Variants in MVB12B observed in about 807,000 individuals in gnomAD.
MVB12B encodes the protein multivesicular body subunit 12B.
MVB12B carries 16 observed loss-of-function variants against 41.6 expected under a neutral mutation model. That is an observed-to-expected ratio of 0.38 (90% CI 0.26 to 0.58). The LOEUF is 0.58. MVB12B is among the 20% of genes least tolerant of loss of function. The pLI, the probability that MVB12B is intolerant of heterozygous loss-of-function variation, is 0.62. For missense variants in MVB12B, 274 were observed against 380.2 expected (o/e 0.72, Z 2.32); for synonymous variants, 133 against 139.7 (o/e 0.95, Z 0.34).
intron 4 of MVB12B, among the ~76,000 whole-genome samples, chr9:126,390,951 CAA>C (rs1214109113): frequency 3.3e-4 from 25 of 76,562 alleles, no homozygotes; most frequent in East Asian, 1.0e-3. Flanking sequence ...GACTCCATCT[CAA>C]AAAAAAAAAA....
chr9:126,466,753 A>G (rs1833209456), intron 7 of MVB12B, among the ~76,000 whole-genome samples: 2 of 152,186 alleles, frequency 1.3e-5, no homozygotes, highest in South Asian at 2.1e-4. Context: ...GATCATTTCT[A>G]TTACAAATTG....
intron 7 of MVB12B, among the ~76,000 whole-genome samples, chr9:126,475,439 A>G (rs183509086): frequency 2.0e-5 from 3 of 152,352 alleles, no homozygotes; most frequent in East Asian, 1.9e-4. Context: ...TCTTGTGTAC[A>G]TGGATAACAT....
At chr9:126,334,574 C>T (rs1829225193) in intron 1 of MVB12B, among the ~76,000 whole-genome samples, 1 of 152,228 alleles carries the variant, frequency 6.6e-6, no homozygotes, top group South Asian at 2.1e-4. Flanking sequence ...ACTCCTGTCA[C>T]CAAACACTCA....
At chr9:126,454,026 A>T (rs1471444466) in intron 7 of MVB12B, among the ~76,000 whole-genome samples, 2 of 152,246 alleles carry the variant, frequency 1.3e-5, no homozygotes, top group Non-Finnish European at 2.9e-5. Context: ...ACCGGGAGAC[A>T]GGAGAGGCAT....
chr9:126,450,866 G>A (rs1456764908), intron 7 of MVB12B, among the ~76,000 whole-genome samples: 1 of 152,204 alleles, frequency 6.6e-6, no homozygotes, highest in Non-Finnish European at 1.5e-5. Context: ...GTTTTGGGAG[G>A]CAGATCAAGC....
intron 7 of MVB12B, among the ~76,000 whole-genome samples, chr9:126,470,048 A>G (rs185765014): frequency 2.6e-3 from 398 of 152,362 alleles, no homozygotes; most frequent in Non-Finnish European, 4.3e-3. Context: ...CTAGCTGCTC[A>G]GTAACTGTTA....
At chr9:126,469,469 G>C (rs921519378) in intron 7 of MVB12B, among the ~76,000 whole-genome samples, 3 of 152,374 alleles carry the variant, frequency 2.0e-5, no homozygotes, top group Non-Finnish European at 4.4e-5. Context: ...GGCAGAGAAA[G>C]TGCGTCTTCC....
At chr9:126,424,048 G>C (rs1035336351) in intron 7 of MVB12B, among the ~76,000 whole-genome samples, 3 of 152,172 alleles carry the variant, frequency 2.0e-5, no homozygotes, top group African/African-American at 7.2e-5. Flanking sequence ...GCAGACTTCA[G>C]GAGCTGAGCC....
chr9:126,457,458 A>G (rs1435387129), intron 7 of MVB12B, among the ~76,000 whole-genome samples: 4 of 152,202 alleles, frequency 2.6e-5, no homozygotes. Flanking sequence ...GTTCAGTGAC[A>G]TGTTTATGTC....
In MVB12B at chr9:126,473,302, C is replaced by T. The variant is rs1833353235; in HGVS notation, c.758-8067C>T. Reference sequence around the variant, plus strand: ...CCAGCCCCTCCTTCCCTGCCATAGCCCCCCATAGCCCCAGAGCAGGTTACA... The same window carrying T: ...CCAGCCCCTCCTTCCCTGCCATAGCTCCCCATAGCCCCAGAGCAGGTTACA... On this transcript the variant is annotated intron_variant, in intron 7 of 9. Transcript: ENST00000361171. The surrounding 1 kb of genome is among the most constrained non-coding windows in gnomAD (Gnocchi z 4.0). Among the ~76,000 whole-genome samples, 1 of 152,200 alleles carries T rather than the reference C, an allele frequency of 6.6e-6. No individual in the cohort carries two copies. The highest frequency in any genetic ancestry group is 1.5e-5 in the Non-Finnish European group (1 of 68,040).
intron 7 of MVB12B, among the ~76,000 whole-genome samples, chr9:126,470,538 T>C (rs913220277): frequency 3.3e-5 from 5 of 152,082 alleles, no homozygotes; most frequent in African/African-American, 4.8e-5. Context: ...GTGGGGGGGC[T>C]GGTGGCCCTA....
intron 1 of MVB12B, among the ~76,000 whole-genome samples, chr9:126,337,001 C>T (rs1039181510): frequency 6.6e-6 from 1 of 152,228 alleles, no homozygotes; most frequent in Non-Finnish European, 1.5e-5. Context: ...ACCTTTATTC[C>T]TTACCCAGCA....
intron 6 of MVB12B, among the ~76,000 whole-genome samples, chr9:126,408,818 G>T (rs1015528497): frequency 6.6e-6 from 1 of 152,098 alleles, no homozygotes; most frequent in African/African-American, 2.4e-5. Flanking sequence ...TAGCAAAGGC[G>T]TACATTAAGG....
intron 7 of MVB12B, among the ~76,000 whole-genome samples, chr9:126,474,709 CAT>C (rs1833386928): frequency 6.6e-6 from 1 of 152,228 alleles, no homozygotes; most frequent in South Asian, 2.1e-4. Context: ...CTGCAGTTCT[CAT>C]GTGCTGGACA....
intron 7 of MVB12B, among the ~76,000 whole-genome samples, chr9:126,458,669 T>C (rs1833033850): frequency 6.6e-6 from 1 of 152,216 alleles, no homozygotes; most frequent in African/African-American, 2.4e-5. Flanking sequence ...GGCTTATTGG[T>C]ATCTTTCTAG....
At chr9:126,358,470 G>T (rs990427835) in intron 2 of MVB12B, among the ~76,000 whole-genome samples, 3 of 152,130 alleles carry the variant, frequency 2.0e-5, no homozygotes, top group African/African-American at 7.2e-5. Context: ...ATTTATGTAA[G>T]TCCTCTTTAA....
intron 7 of MVB12B, 195 bp from the exon 8 acceptor site, chr9:126,481,174 T>C: frequency 1.6e-6 from 1 of 613,744 alleles, no homozygotes; most frequent in Non-Finnish European, 2.9e-6. Flanking sequence ...CGCCTGCCTC[T>C]CTCAGTAGGT....
At chr9:126,427,393 GCTCACAGCTGC>G (rs1832211934) in intron 7 of MVB12B, among the ~76,000 whole-genome samples, 2 of 152,122 alleles carry the variant, frequency 1.3e-5, no homozygotes, top group South Asian at 2.1e-4. Context: ...CAAACCTGCT[GCTCACAGCTGC>G]CCCAGAGGCT....
intron 6 of MVB12B, chr9:126,396,220 C>G (rs1363579866): frequency 2.0e-6 from 2 of 986,736 alleles, no homozygotes; most frequent in Non-Finnish European, 2.4e-6. Flanking sequence ...ATTGTCTCCG[C>G]AAAGAAACTT....
Sources: allele counts gnomAD v4.1 joint callset (sites outside exome capture counted in the v4.1 genomes callset), GRCh38; gene constraint gnomAD v4.1.1; non-coding constraint Gnocchi (gnomAD v3.1); transcripts MANE v1.5; gene names NCBI Gene and HGNC (gene_info 2026-07-23, HGNC 2026-07-21).